SAMD3: variants seen among roughly 807,000 people sequenced by gnomAD.
SAMD3 encodes sterile alpha motif domain-containing protein 3.
In SAMD3, 63 loss-of-function variants were observed where a neutral mutation model predicts 58.5. The observed-to-expected ratio is 1.08, with a 90% CI of 0.88 to 1.33. SAMD3 has a LOEUF of 1.33. Among genes scored for constraint, SAMD3 ranks in the 40% most tolerant of loss-of-function variants. The pLI is 0.00. For synonymous variants in SAMD3, 220 were observed against 210.3 expected, an observed-to-expected ratio of 1.05 and a Z score of -0.40; for missense variants, 604 against 608.4, an observed-to-expected ratio of 0.99 and a Z score of 0.08.
intron 1 of SAMD3, among the ~76,000 whole-genome samples, chr6:130,339,657 G>GT (rs1025077178): frequency 6.6e-6 from 1 of 152,198 alleles, no homozygotes; most frequent in Admixed American, 6.5e-5. Flanking sequence ...GTCTAGGGCA[G>GT]TTTTTTATAC....
chr6:130,290,219 T>G (rs10457548), intron 2 of SAMD3, among the ~76,000 whole-genome samples: 16,673 of 152,160 alleles, frequency 0.11, 1,019 homozygotes, highest in Admixed American at 0.14. Flanking sequence ...CGTGTGATTA[T>G]GCGGACTGGC....
At chr6:130,275,906 G>A (rs1774758904) in intron 2 of SAMD3, among the ~76,000 whole-genome samples, 1 of 152,112 alleles carries the variant, frequency 6.6e-6, no homozygotes, top group Admixed American at 6.6e-5. Context: ...GCTGGATAAT[G>A]GCCCTGCAAG....
intron 1 of SAMD3, among the ~76,000 whole-genome samples, chr6:130,317,539 A>T (rs978887356): frequency 6.6e-6 from 1 of 152,258 alleles, no homozygotes. Context: ...GAATGTCAGG[A>T]AAGTCTTATA....
intron 1 of SAMD3, among the ~76,000 whole-genome samples, chr6:130,338,247 T>C (rs1013897670): frequency 1.3e-5 from 2 of 152,202 alleles, no homozygotes; most frequent in African/African-American, 4.8e-5. Flanking sequence ...TGTTTGGCCT[T>C]TGGATGCACA....
In SAMD3 at chr6:130,175,958, G is replaced by T. The variant is rs150647739; in HGVS notation, c.705C>A (p.Pro235=). 8.1e-6 allele frequency: 13 copies of T among 1,613,368 alleles called. No individual in the cohort carries two copies. Among genetic ancestry groups the T allele is most frequent in the Non-Finnish European group, 1.0e-5 (12 of 1,179,594 alleles). Residue 235 remains proline, a synonymous_variant, in exon 8 of 12, where the codon CCC becomes CCA. Coordinates refer to ENST00000439090, the MANE Select transcript of SAMD3 (RefSeq NM_001017373.4). ...LKDRFKYVRR[P]IEDDEQVIRN... ...TAATCACTTGCTCATCATCTTCTATGGGTCTTCGAACATATTTAAAGCGAT... is the reference window on the plus strand; with the variant it reads ...TAATCACTTGCTCATCATCTTCTATTGGTCTTCGAACATATTTAAAGCGAT...
At chr6:130,289,119 G>A (rs369988017) in intron 2 of SAMD3, among the ~76,000 whole-genome samples, 3 of 152,208 alleles carry the variant, frequency 2.0e-5, no homozygotes, top group African/African-American at 7.2e-5. Flanking sequence ...CAGGAGACAT[G>A]GTGAATGAGC....
chr6:130,350,881 T>G (rs1203499541), intron 1 of SAMD3, among the ~76,000 whole-genome samples: 1 of 152,050 alleles, frequency 6.6e-6, no homozygotes, highest in African/African-American at 2.4e-5. Flanking sequence ...AACAGAGATA[T>G]AGACCAATGG....
intron 2 of SAMD3, among the ~76,000 whole-genome samples, chr6:130,262,307 AAG>A (rs966031646): frequency 2.0e-5 from 3 of 148,114 alleles, no homozygotes; most frequent in African/African-American, 7.6e-5. Flanking sequence ...GAAAAAAAGT[AAG>A]AAAAAAAAAA....
intron 1 of SAMD3, among the ~76,000 whole-genome samples, chr6:130,359,441 A>T (rs1031680048): frequency 1.3e-5 from 2 of 152,154 alleles, no homozygotes; most frequent in Non-Finnish European, 2.9e-5. Flanking sequence ...AATTGCACAC[A>T]CATTTCCCTC....
chr6:130,163,643 A>G (rs150778625), intron 8 of SAMD3, among the ~76,000 whole-genome samples: 1 of 152,346 alleles, frequency 6.6e-6, no homozygotes, highest in African/African-American at 2.4e-5. Context: ...TTTGTCTTCA[A>G]CTTTTGCTGT....
chr6:130,224,695 T>C (rs1434345113), upstream of SAMD3, among the ~76,000 whole-genome samples: 1 of 151,806 alleles, frequency 6.6e-6, no homozygotes, highest in East Asian at 1.9e-4. Flanking sequence ...CTCAGCTCAC[T>C]GCAACTTCCA....
At chr6:130,287,672 G>T (rs982591286) in intron 2 of SAMD3, among the ~76,000 whole-genome samples, 2 of 152,032 alleles carry the variant, frequency 1.3e-5, no homozygotes, top group East Asian at 1.9e-4. Context: ...GTGGCCGGGC[G>T]CAGTGGCTCA....
At chr6:130,282,689 C>G (rs572260321) in intron 2 of SAMD3, among the ~76,000 whole-genome samples, 1 of 152,040 alleles carries the variant, frequency 6.6e-6, no homozygotes, top group Non-Finnish European at 1.5e-5. Flanking sequence ...AAGACAAGGA[C>G]GCTAAAAGTA....
upstream of SAMD3, among the ~76,000 whole-genome samples, chr6:130,226,626 A>G (rs767578376): frequency 1.3e-5 from 2 of 152,188 alleles, no homozygotes; most frequent in African/African-American, 2.4e-5. Context: ...CAGGAGTTCA[A>G]GACCAGCCTG....
intron 8 of SAMD3, among the ~76,000 whole-genome samples, chr6:130,167,129 T>C (rs1790803256): frequency 6.6e-6 from 1 of 152,006 alleles, no homozygotes; most frequent in South Asian, 2.1e-4. Flanking sequence ...ATCAATGGAC[T>C]TGAAATATAC....
intron 5 of SAMD3, among the ~76,000 whole-genome samples, chr6:130,196,815 A>G (rs1794165357): frequency 1.3e-5 from 2 of 152,168 alleles, no homozygotes; most frequent in Admixed American, 6.5e-5. Flanking sequence ...AGACACTTTC[A>G]CTGGATAGGT....
At chr6:130,165,672 C>CT (rs543547229) in intron 8 of SAMD3, among the ~76,000 whole-genome samples, 13 of 150,648 alleles carry the variant, frequency 8.6e-5, no homozygotes, top group Non-Finnish European at 1.3e-4. Context: ...TCAAAGTCAG[C>CT]TTTTTTTTTC....
chr6:130,316,010 G>A (rs961648807), intron 1 of SAMD3, among the ~76,000 whole-genome samples: 1 of 152,156 alleles, frequency 6.6e-6, no homozygotes, highest in Non-Finnish European at 1.5e-5. Flanking sequence ...GATATTAGGG[G>A]CCGGGCGTGG....
At chr6:130,350,391 A>T (rs1225610324) in intron 1 of SAMD3, among the ~76,000 whole-genome samples, 2 of 152,168 alleles carry the variant, frequency 1.3e-5, no homozygotes, top group Non-Finnish European at 2.9e-5. Context: ...ATACAAAATC[A>T]ATGTGCAAAA....
Sources: allele counts gnomAD v4.1 joint callset (sites outside exome capture counted in the v4.1 genomes callset), GRCh38; gene constraint gnomAD v4.1.1; transcripts MANE v1.5; gene names NCBI Gene and HGNC (gene_info 2026-07-23, HGNC 2026-07-21).